The following PPIP5K2 variants were observed in gnomAD, a reference collection of about 807,000 sequenced individuals.
PPIP5K2 encodes diphosphoinositol pentakisphosphate kinase 2.
A neutral mutation model predicts 154.6 loss-of-function variants in PPIP5K2; 105 were observed. The ratio of observed to expected loss-of-function variants is 0.68; its 90% CI spans 0.58 to 0.80. PPIP5K2 has a LOEUF of 0.80. Ranked by LOEUF, PPIP5K2 falls within the 30% of genes least tolerant of loss-of-function variation. The pLI is 0.00. For missense variants in PPIP5K2, 992 were observed against 1,504.6 expected, an observed-to-expected ratio of 0.66 and a Z score of 5.64; for synonymous variants, 480 against 490.3, an observed-to-expected ratio of 0.98 and a Z score of 0.28.
chr5:103,127,656 T>C (rs1554201187), intron 1 of PPIP5K2, among the ~76,000 whole-genome samples: 3 of 152,226 alleles, frequency 2.0e-5, no homozygotes, highest in Admixed American at 1.3e-4. Context: ...ACTTATGCTA[T>C]CTCACTTAGT....
intron 17 of PPIP5K2, among the ~76,000 whole-genome samples, chr5:103,163,646 A>G (rs1435620160): frequency 1.3e-5 from 2 of 151,940 alleles, no homozygotes; most frequent in African/African-American, 4.8e-5. Context: ...TTTTCTGTAG[A>G]TATTTTATAT....
intron 19 of PPIP5K2, among the ~76,000 whole-genome samples, chr5:103,171,022 TA>T (rs1325906046): frequency 1.3e-5 from 2 of 151,516 alleles, no homozygotes; most frequent in Admixed American, 1.3e-4. Flanking sequence ...TACTATGCCT[TA>T]AAAAATCAGT....
intron 24 of PPIP5K2, among the ~76,000 whole-genome samples, chr5:103,181,731 A>G (rs1554222961): frequency 6.6e-6 from 1 of 152,138 alleles, no homozygotes; most frequent in Non-Finnish European, 1.5e-5. Flanking sequence ...TTAGCATTTA[A>G]TGGGTGAGAA....
intron 2 of PPIP5K2, among the ~76,000 whole-genome samples, 194 bp from the exon 3 acceptor site, chr5:103,133,257 CAG>C (rs1790934059): frequency 6.6e-6 from 1 of 152,040 alleles, no homozygotes. Context: ...AATTTGTTTC[CAG>C]ACTTTTGTAG....
chr5:103,199,701 C>T (rs1201634630), intron 30 of PPIP5K2, among the ~76,000 whole-genome samples: 1 of 151,594 alleles, frequency 6.6e-6, no homozygotes, highest in Non-Finnish European at 1.5e-5. Flanking sequence ...TTGTTGTTTA[C>T]TTTTACTTCT....
intron 26 of PPIP5K2, 95 bp from the exon 27 acceptor site, chr5:103,186,225 A>G (rs1487921433): frequency 2.0e-6 from 3 of 1,515,084 alleles, no homozygotes; most frequent in Non-Finnish European, 2.7e-6. Flanking sequence ...GTTGCCTTAT[A>G]TGTGGTAAGA....
chr5:103,206,549 T>A lies in PPIP5K2; in HGVS notation c.*4915T>A, dbSNP rs1409093873. ...GAAAAGCCTCAGCACTGTTGACATT[T>A]TGGACCATAAAATTCTACATCATAG... On this transcript the variant is annotated 3_prime_UTR_variant, in exon 31 of 31. Transcript: ENST00000358359. 1.3e-5 allele frequency: 2 copies of A among 152,238 alleles called. No individual in the cohort carries two copies. The highest frequency in any genetic ancestry group is 4.8e-5 in the African/African-American group (2 of 41,450). The allele number at this position is 152,238 out of a possible 1,614,324, so 9.4% of individuals were successfully genotyped here. A position where few individuals can be genotyped will look rare whatever the true frequency, so the allele number is the denominator to read the frequency against.
chr5:103,134,625 C>T (rs1258015552), intron 3 of PPIP5K2, among the ~76,000 whole-genome samples: 1 of 152,134 alleles, frequency 6.6e-6, no homozygotes, highest in African/African-American at 2.4e-5. Flanking sequence ...GCATTCTTCC[C>T]TTACCCTCAC....
chr5:103,172,083 A>G (rs1435100541), intron 19 of PPIP5K2, among the ~76,000 whole-genome samples: 1 of 151,688 alleles, frequency 6.6e-6, no homozygotes, highest in African/African-American at 2.4e-5. Flanking sequence ...CCAGCAGTGT[A>G]TGAAAATCCC....
At chr5:103,171,417 A>G (rs1797962724) in intron 19 of PPIP5K2, among the ~76,000 whole-genome samples, 1 of 151,562 alleles carries the variant, frequency 6.6e-6, no homozygotes, top group Non-Finnish European at 1.5e-5. Context: ...GCATTTCCCA[A>G]AGACAGTTCA....
chr5:103,171,890 G>C (rs17155106), intron 19 of PPIP5K2, among the ~76,000 whole-genome samples: 1 of 151,322 alleles, frequency 6.6e-6, no homozygotes, highest in East Asian at 1.9e-4. Flanking sequence ...ATGCCAATAA[G>C]GCTATATATA....
intron 2 of PPIP5K2, among the ~76,000 whole-genome samples, chr5:103,132,949 A>G (rs1790881074): frequency 6.6e-6 from 1 of 152,236 alleles, no homozygotes; most frequent in African/African-American, 2.4e-5. Flanking sequence ...CTCTGTTAGC[A>G]GTGTGGCTTT....
rs541716280 is a variant in PPIP5K2, at chr5:103,161,483, G to A, written c.1920+2155G>A. 4.4e-3 allele frequency among the ~76,000 whole-genome samples: 670 copies of A among 152,276 alleles called. 4 individuals are homozygous for A. Among genetic ancestry groups the A allele is most frequent in the African/African-American group, 0.015 (630 of 41,564 alleles). Reference sequence around the variant, plus strand: ...CCTTTGGGTATATACCCAGTAATGGGATGGCTGGGTCAAATGGTATTTCTA... The same window carrying A: ...CCTTTGGGTATATACCCAGTAATGGAATGGCTGGGTCAAATGGTATTTCTA... On this transcript the variant is annotated intron_variant, in intron 17 of 30. Transcript: ENST00000358359.
intron 5 of PPIP5K2, among the ~76,000 whole-genome samples, chr5:103,144,188 T>C (rs1295873150): frequency 6.6e-6 from 1 of 150,894 alleles, no homozygotes; most frequent in Non-Finnish European, 1.5e-5. Flanking sequence ...TTACAATAGC[T>C]ACAAATAAAT....
intron 8 of PPIP5K2, among the ~76,000 whole-genome samples, chr5:103,149,716 T>TGG (rs1392586856): frequency 6.6e-6 from 1 of 151,732 alleles, no homozygotes; most frequent in African/African-American, 2.4e-5. Context: ...TTTTTTTTTT[T>TGG]GAGACGGAGT....
intron 1 of PPIP5K2, among the ~76,000 whole-genome samples, chr5:103,125,516 GA>G (rs1300629198): frequency 1.4e-5 from 2 of 147,494 alleles, no homozygotes; most frequent in Non-Finnish European, 3.0e-5. Context: ...TGGAATAACA[GA>G]AAAAAAAAGA....
chr5:103,183,327 T>A lies in PPIP5K2; in HGVS notation c.3016T>A (p.Ser1006Thr). The A allele has an allele frequency of 6.2e-7, 1 of 1,608,688 alleles. No individual in the cohort carries two copies. ...GVGTGRRRRR[S>T]GEQITSSPVS... is the part of the protein sequence containing the mutation. ...GGGTACTGGGCGTCGAAGACGCAGA[T>A]CAGGGGAACAAATCACTTCTTCCCC... The change falls in exon 25 of 31, where the codon TCA becomes ACA. Residue 1006 changes from serine (S) to threonine (T), a missense_variant. This residue lies in a region of PPIP5K2 where 204 missense variants were observed against 224.0 expected (regional missense o/e 0.91). Coordinates refer to ENST00000358359, the MANE Select transcript of PPIP5K2 (RefSeq NM_001276277.3).
chr5:103,167,064 T>C, intron 17 of PPIP5K2, 115 bp from the exon 18 acceptor site: 1 of 794,862 alleles, frequency 1.3e-6, no homozygotes, highest in Non-Finnish European at 1.8e-6. Flanking sequence ...TGTGGTCATT[T>C]TAATTTCTGC....
chr5:103,133,679 T>C (rs782406696), intron 3 of PPIP5K2, 31 bp downstream of exon 3: 27 of 1,499,170 alleles, frequency 1.8e-5, no homozygotes, highest in Non-Finnish European at 2.3e-5. Context: ...GAAACTCCTT[T>C]ATCCTCTCTG....
Sources: allele counts gnomAD v4.1 joint callset (sites outside exome capture counted in the v4.1 genomes callset), GRCh38; gene constraint gnomAD v4.1.1; regional missense constraint gnomAD v4.1.1; transcripts MANE v1.5; gene names NCBI Gene and HGNC (gene_info 2026-07-23, HGNC 2026-07-21).